The following FHIP1A variants were observed in gnomAD, a reference collection of about 807,000 sequenced individuals.
FHIP1A encodes the protein FHF complex subunit HOOK-interacting protein 1A.
In FHIP1A, 61 loss-of-function variants were observed where a neutral mutation model predicts 88.6. The ratio of observed to expected loss-of-function variants is 0.69; its 90% CI spans 0.56 to 0.85. FHIP1A has a LOEUF of 0.85. Ranked by LOEUF, FHIP1A falls within the 40% of genes least tolerant of loss-of-function variation. FHIP1A has a pLI of 0.00. For missense variants in FHIP1A, 1,154 were observed against 1,273.5 expected, an observed-to-expected ratio of 0.91 and a Z score of 1.43; for synonymous variants, 478 against 496.0, an observed-to-expected ratio of 0.96 and a Z score of 0.48.
At chr4:151,544,227 C>T (rs764246428) in intron 3 of FHIP1A, among the ~76,000 whole-genome samples, 1 of 152,192 alleles carries the variant, frequency 6.6e-6, no homozygotes, top group East Asian at 1.9e-4. Flanking sequence ...TGTCCAAGTT[C>T]GTATAGCTGG....
chr4:151,514,859 G>A (rs1321117148), intron 3 of FHIP1A, among the ~76,000 whole-genome samples: 5 of 152,142 alleles, frequency 3.3e-5, no homozygotes, highest in South Asian at 2.1e-4. Flanking sequence ...ATTCACAGCC[G>A]AATTCTACCA....
chr4:151,650,557 G>T lies in FHIP1A; in HGVS notation c.2516G>T (p.Arg839Leu), dbSNP rs780912010. Residue 839 changes from arginine (R) to leucine (L), a missense_variant, in exon 11 of 14, where the codon CGC becomes CTC. Physicochemically the swap from Arg to Leu is moderately radical, Grantham distance 102. Transcript: ENST00000435205. ...AGAGATGAGGCTGCCTTTGCCAGTC[G>T]CCATCCCGTGAGGACTCAAAGCACC... ...VGRDEAAFAS[R>L]HPVRTQSTPF... 6.4e-7 allele frequency: 1 copy of T among 1,550,910 alleles called. No homozygotes were observed. The highest frequency in any genetic ancestry group is 8.7e-7 in the Non-Finnish European group (1 of 1,146,864).
chr4:151,424,544 G>T (rs1187515587), intron 1 of FHIP1A, among the ~76,000 whole-genome samples: 2 of 152,114 alleles, frequency 1.3e-5, no homozygotes, highest in Non-Finnish European at 2.9e-5. Context: ...GAAGTAGTTG[G>T]TTTAGGAGTT....
At chr4:151,614,221 C>T (rs1358230947) in intron 7 of FHIP1A, among the ~76,000 whole-genome samples, 2 of 151,652 alleles carry the variant, frequency 1.3e-5, no homozygotes, top group African/African-American at 4.8e-5. Context: ...CTAATCCCAG[C>T]ACTTTGGGAG....
In FHIP1A at chr4:151,558,781, A is replaced by C. The variant is rs1179270017; in HGVS notation, c.-122-7357A>C. Among the ~76,000 whole-genome samples, 5 of 152,358 alleles carry C rather than the reference A, an allele frequency of 3.3e-5. No homozygotes were observed. In the East Asian group the frequency reaches 9.6e-4, roughly 29 times the overall value. ...GGGGAACCCTAGGGTCCCTCAGACC[A>C]CATTTGGGGAACCACTGATCTAGAC... On this transcript the variant is annotated intron_variant, in intron 3 of 13. Transcript: ENST00000435205.
chr4:151,615,083 A>G (rs148989243), intron 7 of FHIP1A, among the ~76,000 whole-genome samples: 1 of 152,176 alleles, frequency 6.6e-6, no homozygotes, highest in African/African-American at 2.4e-5. Flanking sequence ...GCAGGGAGGT[A>G]AAAGGGCAGG....
Position 151,472,245 on chromosome 4 carries a change from A to G in FHIP1A, c.-247-10279A>G, listed in dbSNP as rs73861830. ...CTGATTTCAAAATAGCTTTGCCCTA[A>G]TAACTTAAAACAGCTCTTTTCCTGT... On this transcript the variant is annotated intron_variant, in intron 2 of 13. Coordinates refer to ENST00000435205, the MANE Select transcript of FHIP1A (RefSeq NM_001109977.3). Among the ~76,000 whole-genome samples, 841 of 152,302 alleles carry G rather than the reference A, an allele frequency of 5.5e-3. 9 individuals are homozygous for G. Among genetic ancestry groups the G allele is most frequent in the African/African-American group, 0.018 (751 of 41,576 alleles).
intron 13 of FHIP1A, among the ~76,000 whole-genome samples, chr4:151,659,259 G>A (rs1737364188): frequency 6.6e-6 from 1 of 152,002 alleles, no homozygotes; most frequent in Non-Finnish European, 1.5e-5. Flanking sequence ...ACTTTTCCAG[G>A]TTAGCCAAGT....
chr4:151,413,881 A>G (rs1241038502), intron 1 of FHIP1A, among the ~76,000 whole-genome samples: 2 of 152,210 alleles, frequency 1.3e-5, no homozygotes, highest in Admixed American at 1.3e-4. Context: ...ATTGAGGTGT[A>G]GGAGTTTAAA....
At position 151,566,231 on chromosome 4, in the gene FHIP1A, G is replaced by T. The variant is rs1733380399; in HGVS notation, c.-29G>T. On this transcript the variant is annotated 5_prime_UTR_variant, in exon 4 of 14. An upstream start codon of the reference 5' UTR is lost. Coordinates refer to ENST00000435205, the MANE Select transcript of FHIP1A (RefSeq NM_001109977.3). ...CCAAATTTTAATGAAAATTAAATATGACTTAGAAGCATTGATTTATGAAGG... is the reference window on the plus strand; with the variant it reads ...CCAAATTTTAATGAAAATTAAATATTACTTAGAAGCATTGATTTATGAAGG... 4.3e-6 allele frequency: 6 copies of T among 1,404,112 alleles called. No individual in the cohort carries two copies. The South Asian group carries it at 6.5e-5, about 15-fold the overall frequency. The allele number at this position is 1,404,112 out of a possible 1,614,324, so 87.0% of individuals were successfully genotyped here. A position where few individuals can be genotyped will look rare whatever the true frequency, so the allele number is the denominator to read the frequency against.
At chr4:151,521,296 A>G (rs1731434317) in intron 3 of FHIP1A, among the ~76,000 whole-genome samples, 1 of 152,170 alleles carries the variant, frequency 6.6e-6, no homozygotes, top group Non-Finnish European at 1.5e-5. Context: ...GGTGGATTTT[A>G]AGGGAGGAAC....
chr4:151,493,844 A>G (rs189080049), intron 3 of FHIP1A, among the ~76,000 whole-genome samples: 1 of 152,332 alleles, frequency 6.6e-6, no homozygotes, highest in African/African-American at 2.4e-5. Context: ...AAAGCTGTCT[A>G]TAACAAACCC....
chr4:151,493,145 A>G (rs1730343753), intron 3 of FHIP1A, among the ~76,000 whole-genome samples: 1 of 152,212 alleles, frequency 6.6e-6, no homozygotes, highest in Non-Finnish European at 1.5e-5. Flanking sequence ...AATGGGAGAT[A>G]TTAAAACCAA....
chr4:151,473,429 ATAAAG>A (rs757223762), intron 2 of FHIP1A, among the ~76,000 whole-genome samples: 41 of 144,716 alleles, frequency 2.8e-4, no homozygotes, highest in Admixed American at 1.4e-3. Flanking sequence ...TCTTAACTTT[ATAAAG>A]TATAGTATCT....
chr4:151,499,957 A>G (rs1730591410), intron 3 of FHIP1A, among the ~76,000 whole-genome samples: 1 of 152,218 alleles, frequency 6.6e-6, no homozygotes, highest in African/African-American at 2.4e-5. Flanking sequence ...CAGCCAAACC[A>G]TATGAGTCCC....
intron 3 of FHIP1A, among the ~76,000 whole-genome samples, chr4:151,554,062 C>G (rs192060943): frequency 2.3e-4 from 35 of 152,292 alleles, no homozygotes; most frequent in African/African-American, 6.5e-4. Flanking sequence ...GGCTCCCATC[C>G]AGTCCTCCCA....
chr4:151,593,284 T>G (rs995762144), intron 7 of FHIP1A, among the ~76,000 whole-genome samples: 3 of 152,226 alleles, frequency 2.0e-5, no homozygotes, highest in Non-Finnish European at 4.4e-5. Context: ...AAGTAGTTTT[T>G]TCTAATTCTG....
chr4:151,554,594 T>TA (rs1473648001), intron 3 of FHIP1A, among the ~76,000 whole-genome samples: 1 of 152,140 alleles, frequency 6.6e-6, no homozygotes, highest in Non-Finnish European at 1.5e-5. Context: ...TTGATGTTGG[T>TA]AGCCAAAGGT....
chr4:151,617,521 C>T (rs555266465), intron 7 of FHIP1A, among the ~76,000 whole-genome samples: 1 of 152,262 alleles, frequency 6.6e-6, no homozygotes, highest in South Asian at 2.1e-4. Context: ...TCATCATCCT[C>T]TGAACAGTTC....
Sources: allele counts gnomAD v4.1 joint callset (sites outside exome capture counted in the v4.1 genomes callset), GRCh38; gene constraint gnomAD v4.1.1; transcripts MANE v1.5; gene names NCBI Gene and HGNC (gene_info 2026-07-23, HGNC 2026-07-21).